Variants in GRID1 observed in about 807,000 individuals in gnomAD.
The protein encoded by GRID1 is glutamate ionotropic receptor delta type subunit 1, also known as glutamate receptor ionotropic, delta-1.
A neutral mutation model predicts 98.0 loss-of-function variants in GRID1; 28 were observed. That is an observed-to-expected ratio of 0.29 (90% CI 0.21 to 0.39). The LOEUF (loss-of-function observed/expected upper bound fraction) is 0.39. Ranked by LOEUF, GRID1 falls within the 10% of genes least tolerant of loss-of-function variation. GRID1 has a pLI of 1.00. For missense variants in GRID1, 1,111 were observed against 1,340.5 expected (o/e 0.83, Z 2.67); for synonymous variants, 553 against 538.5 (o/e 1.03, Z -0.37).
intron 8 of GRID1, among the ~76,000 whole-genome samples, chr10:85,842,266 T>A (rs958480552): frequency 1.3e-5 from 2 of 151,886 alleles, no homozygotes; most frequent in African/African-American, 4.8e-5. Flanking sequence ...GGCAGTCAAA[T>A]GATGAGAACA....
rs77511242 is a variant in GRID1, at chr10:85,841,049, G to T, written c.1233+13447C>A. On this transcript the variant is annotated intron_variant, in intron 8 of 15. Transcript: ENST00000327946. ...TAGCCAAGGCAATCCTAAGCAAAAA[G>T]AACAAAGCTGGAGGTATCAGGGTAC... Among the ~76,000 whole-genome samples, 8 of 152,196 alleles carry T rather than the reference G, an allele frequency of 5.3e-5. No homozygotes were observed. The South Asian group carries it at 1.7e-3, about 32-fold the overall frequency.
intron 2 of GRID1, among the ~76,000 whole-genome samples, chr10:86,285,996 A>G (rs1022945947): frequency 2.2e-4 from 34 of 152,208 alleles, no homozygotes; most frequent in African/African-American, 8.2e-4. Flanking sequence ...AGAAATTGGT[A>G]TAAGTATAGG....
intron 4 of GRID1, among the ~76,000 whole-genome samples, chr10:85,949,576 T>C (rs1842093181): frequency 1.3e-5 from 2 of 152,322 alleles, no homozygotes; most frequent in South Asian, 2.1e-4. Context: ...TTTGCTATTA[T>C]GGATGGTGCT....
rs546114157 is a variant in GRID1, at chr10:85,865,565, C to T, written c.951+3445G>A. ...TGGAGAGCTCCATTTCCAAAAGGATCTTCACTAATTTCATCAAGACAAAGT... is the reference window on the plus strand; with the variant it reads ...TGGAGAGCTCCATTTCCAAAAGGATTTTCACTAATTTCATCAAGACAAAGT... On this transcript the variant is annotated intron_variant, in intron 6 of 15. Transcript: ENST00000327946. Among the ~76,000 whole-genome samples the T allele has an allele frequency of 8.6e-4, 131 of 152,240 alleles. 1 individual carries two copies. Among genetic ancestry groups the T allele is most frequent in the African/African-American group, 2.9e-3 (121 of 41,534 alleles).
intron 5 of GRID1, among the ~76,000 whole-genome samples, chr10:85,881,071 G>A (rs1457227815): frequency 6.6e-6 from 1 of 152,284 alleles, no homozygotes; most frequent in Non-Finnish European, 1.5e-5. Flanking sequence ...TACAAGGGAC[G>A]TGAGGGACCT....
chr10:85,701,223 A>C (rs563478219), intron 12 of GRID1, among the ~76,000 whole-genome samples: 2 of 152,152 alleles, frequency 1.3e-5, no homozygotes, highest in East Asian at 3.8e-4. Flanking sequence ...ATTTCTTCTT[A>C]TATTTACAGA....
intron 5 of GRID1, among the ~76,000 whole-genome samples, chr10:85,905,373 T>C (rs565539348): frequency 6.6e-6 from 1 of 151,596 alleles, no homozygotes; most frequent in East Asian, 2.0e-4. Flanking sequence ...CTATAAGAAA[T>C]GTCAAAGGAA....
intron 4 of GRID1, among the ~76,000 whole-genome samples, chr10:86,021,321 T>C (rs145234314): frequency 6.6e-6 from 1 of 152,300 alleles, no homozygotes; most frequent in African/African-American, 2.4e-5. Flanking sequence ...ATTATAATAC[T>C]ATAATGTGCT....
intron 6 of GRID1, among the ~76,000 whole-genome samples, chr10:85,863,627 C>A (rs948338187): frequency 1.3e-5 from 2 of 152,230 alleles, no homozygotes; most frequent in South Asian, 2.1e-4. Flanking sequence ...AGCATATAAA[C>A]CCCCCATGAA....
At chr10:85,999,870 T>C (rs1842784217) in intron 4 of GRID1, among the ~76,000 whole-genome samples, 4 of 152,204 alleles carry the variant, frequency 2.6e-5, no homozygotes, top group Admixed American at 2.6e-4. Context: ...AACATTATAC[T>C]TAATAGTGAA....
intron 4 of GRID1, among the ~76,000 whole-genome samples, chr10:86,102,585 C>A (rs1346912630): frequency 6.6e-6 from 1 of 152,210 alleles, no homozygotes; most frequent in East Asian, 1.9e-4. Flanking sequence ...AATAATCATT[C>A]TTCCTCTAAG....
chr10:86,250,946 G>T (rs1846818305), intron 2 of GRID1, among the ~76,000 whole-genome samples: 1 of 152,246 alleles, frequency 6.6e-6, no homozygotes, highest in South Asian at 2.1e-4. Context: ...GATTGTTATT[G>T]TGTCTGTGTA....
rs1022795811 is a variant in GRID1, at chr10:85,647,138, C to T, written c.2193+64G>A. On this transcript the variant is annotated intron_variant, in intron 13 of 15. Transcript: ENST00000327946. ...AGATGCCCCTGGAGGTGTCTCCCAC[C>T]TGGGGGCTGACCACCCCGTGGCCCT... is the stretch of plus-strand genomic sequence containing the variant. 64 of 1,355,546 alleles carry T rather than the reference C, an allele frequency of 4.7e-5. 1 individual carries two copies. In the South Asian group the frequency reaches 7.4e-4, roughly 16 times the overall value. 84.0% of individuals were successfully genotyped at this position (1,355,546 alleles called of 1,614,324 possible).
intron 4 of GRID1, among the ~76,000 whole-genome samples, chr10:86,066,633 C>A (rs1021239927): frequency 2.6e-5 from 4 of 152,202 alleles, no homozygotes; most frequent in African/African-American, 9.6e-5. Flanking sequence ...AAACTGGGTC[C>A]ACAATACTCT....
intron 4 of GRID1, among the ~76,000 whole-genome samples, chr10:86,022,537 C>A (rs972468651): frequency 1.3e-5 from 2 of 152,134 alleles, no homozygotes; most frequent in African/African-American, 4.8e-5. Context: ...AAACACAGGG[C>A]AGTTCTGACG....
At chr10:85,820,148 AAAG>A (rs1236121602) in intron 8 of GRID1, among the ~76,000 whole-genome samples, 4 of 133,668 alleles carry the variant, frequency 3.0e-5, no homozygotes, top group Non-Finnish European at 6.6e-5. Flanking sequence ...AAACAGAAAG[AAAG>A]AAAGAAAGAA....
At chr10:85,979,625 C>T (rs1281003101) in intron 4 of GRID1, among the ~76,000 whole-genome samples, 1 of 152,242 alleles carries the variant, frequency 6.6e-6, no homozygotes, top group South Asian at 2.1e-4. Context: ...TTAGGGTCCA[C>T]CCTTATAACA....
intron 5 of GRID1, among the ~76,000 whole-genome samples, chr10:85,906,473 A>G (rs1003974323): frequency 3.3e-5 from 5 of 152,192 alleles, no homozygotes; most frequent in African/African-American, 7.2e-5. Flanking sequence ...TACTTGAAAT[A>G]TCTAGCAGGA....
intron 4 of GRID1, among the ~76,000 whole-genome samples, chr10:86,029,926 A>G (rs1374345695): frequency 6.6e-6 from 1 of 152,250 alleles, no homozygotes; most frequent in East Asian, 1.9e-4. Context: ...TTAGAGGGAA[A>G]TAATCTACTA....
Sources: allele counts gnomAD v4.1 joint callset (sites outside exome capture counted in the v4.1 genomes callset), GRCh38; gene constraint gnomAD v4.1.1; transcripts MANE v1.5; gene names NCBI Gene and HGNC (gene_info 2026-07-23, HGNC 2026-07-21).